Variants in PTPRT observed in about 807,000 individuals in gnomAD.
PTPRT encodes the protein protein tyrosine phosphatase receptor type T, also known as receptor-type tyrosine-protein phosphatase T.
In PTPRT, 56 loss-of-function variants were observed where a neutral mutation model predicts 176.8. The observed-to-expected ratio is 0.32, with a 90% CI of 0.26 to 0.40. PTPRT has a LOEUF of 0.40. PTPRT is among the 10% of genes least tolerant of loss of function. The pLI, the probability that PTPRT is intolerant of heterozygous loss-of-function variation, is 1.00. For synonymous variants in PTPRT, 783 were observed against 739.0 expected (o/e 1.06, Z -0.96); for missense variants, 1,540 against 1,908.2 (o/e 0.81, Z 3.60).
intron 1 of PTPRT, among the ~76,000 whole-genome samples, chr20:43,061,222 C>T (rs533402526): frequency 3.3e-5 from 5 of 152,220 alleles, no homozygotes; most frequent in African/African-American, 9.6e-5. Flanking sequence ...AACTCCTTTC[C>T]GTCACTACTC....
intron 7 of PTPRT, 101 bp from the exon 8 acceptor site, chr20:42,472,663 T>A: frequency 8.5e-7 from 1 of 1,182,922 alleles, no homozygotes; most frequent in Non-Finnish European, 1.2e-6. Context: ...TCCAAACATA[T>A]CTCCACCATT....
intron 1 of PTPRT, among the ~76,000 whole-genome samples, chr20:42,979,828 C>G (rs1303682524): frequency 6.6e-6 from 1 of 151,880 alleles, no homozygotes; most frequent in South Asian, 2.1e-4. Context: ...AGGTTTTGTC[C>G]CAAAATCTCA....
chr20:43,049,333 A>T (rs1013958927), intron 1 of PTPRT, among the ~76,000 whole-genome samples: 7 of 144,212 alleles, frequency 4.9e-5, no homozygotes, highest in Non-Finnish European at 7.4e-5. Context: ...TAAAACATAC[A>T]TACATACATA....
intron 1 of PTPRT, among the ~76,000 whole-genome samples, chr20:43,087,608 C>G: frequency 6.6e-6 from 1 of 152,082 alleles, no homozygotes; most frequent in East Asian, 1.9e-4. Flanking sequence ...AAGTGATCTG[C>G]CTGCCTCGGC....
At chr20:42,210,107 C>T (rs2055583786) in intron 15 of PTPRT, among the ~76,000 whole-genome samples, 1 of 152,190 alleles carries the variant, frequency 6.6e-6, no homozygotes, top group Non-Finnish European at 1.5e-5. Flanking sequence ...ACCCTTCATG[C>T]TAAAAACTCT....
At chr20:42,702,965 C>A (rs960409989) in intron 6 of PTPRT, among the ~76,000 whole-genome samples, 1 of 152,174 alleles carries the variant, frequency 6.6e-6, no homozygotes. Flanking sequence ...CATAGCCAGC[C>A]CATATGGTTT....
chr20:42,367,555 A>C (rs80129688), intron 9 of PTPRT, among the ~76,000 whole-genome samples: 1 of 152,178 alleles, frequency 6.6e-6, no homozygotes, highest in Non-Finnish European at 1.5e-5. Context: ...TAAATATGCC[A>C]TTTATTTGGT....
intron 2 of PTPRT, among the ~76,000 whole-genome samples, chr20:42,842,772 G>A (rs944700739): frequency 6.6e-6 from 1 of 152,166 alleles, no homozygotes. Context: ...TCAAGGTGGT[G>A]GCAGGTTCCA....
intron 6 of PTPRT, among the ~76,000 whole-genome samples, chr20:42,706,947 G>A (rs1389626436): frequency 1.3e-5 from 2 of 152,298 alleles, no homozygotes; most frequent in South Asian, 2.1e-4. Context: ...AGGAGAAGAT[G>A]CACAGACAGG....
intron 1 of PTPRT, among the ~76,000 whole-genome samples, chr20:43,030,681 G>T (rs748820468): frequency 6.6e-6 from 1 of 152,178 alleles, no homozygotes; most frequent in Non-Finnish European, 1.5e-5. Context: ...AGCCTTGGGG[G>T]TTATGGAGGA....
chr20:42,163,370 G>A (rs1028853153), intron 16 of PTPRT, among the ~76,000 whole-genome samples: 7 of 152,164 alleles, frequency 4.6e-5, no homozygotes, highest in African/African-American at 1.7e-4. Context: ...GAAGGGCCTA[G>A]GCAAGTCGTT....
Position 42,558,506 on chromosome 20 carries a change from T to C in PTPRT, c.1154-85944A>G, listed in dbSNP as rs981741039. ...ATCGTAATGGGGCTGCTGGGTCTAA[T>C]GGTATTTCTGTTTTTAGGTCTTTGA... On this transcript the variant is annotated intron_variant, in intron 7 of 30. Coordinates refer to ENST00000373187, the MANE Select transcript of PTPRT (RefSeq NM_007050.6). Among the ~76,000 whole-genome samples the C allele has an allele frequency of 2.0e-5, 3 of 152,134 alleles. No individual in the cohort carries two copies. The South Asian group carries it at 6.2e-4, about 32-fold the overall frequency.
chr20:43,031,785 C>T (rs1045177998), intron 1 of PTPRT, among the ~76,000 whole-genome samples: 1 of 152,216 alleles, frequency 6.6e-6, no homozygotes, highest in African/African-American at 2.4e-5. Flanking sequence ...ATATAAGGGA[C>T]TGTCTCTGAA....
chr20:42,865,107 C>G (rs141300891), intron 2 of PTPRT, among the ~76,000 whole-genome samples: 2 of 152,226 alleles, frequency 1.3e-5, no homozygotes, highest in Non-Finnish European at 2.9e-5. Context: ...ATTGTGAAGT[C>G]TTTTCATGTG....
chr20:42,068,733 A>G (rs1025521366), downstream of PTPRT, among the ~76,000 whole-genome samples: 20 of 152,198 alleles, frequency 1.3e-4, no homozygotes, highest in Admixed American at 1.3e-3. Flanking sequence ...AATCAGAGGA[A>G]ATTCCTCCCG....
At chr20:42,104,253 G>C (rs1217263068) in intron 25 of PTPRT, among the ~76,000 whole-genome samples, 1 of 152,166 alleles carries the variant, frequency 6.6e-6, no homozygotes, top group Non-Finnish European at 1.5e-5. Flanking sequence ...AGGATTCCTT[G>C]AGCCCAGGAG....
intron 7 of PTPRT, among the ~76,000 whole-genome samples, chr20:42,524,561 T>G (rs2072235491): frequency 6.6e-6 from 1 of 152,204 alleles, no homozygotes; most frequent in Non-Finnish European, 1.5e-5. Flanking sequence ...TGAAGACCTT[T>G]CTGTTGCTAT....
chr20:42,660,124 C>A (rs974859063), intron 7 of PTPRT, among the ~76,000 whole-genome samples: 2 of 152,178 alleles, frequency 1.3e-5, no homozygotes, highest in African/African-American at 4.8e-5. Flanking sequence ...GAAGATTGTA[C>A]TGTAAAGGCT....
Position 43,168,268 on chromosome 20 carries a change from C to T in PTPRT, c.88+21378G>A, listed in dbSNP as rs145355091. Among the ~76,000 whole-genome samples the T allele has an allele frequency of 3.5e-3, 532 of 152,308 alleles. 2 individuals carry two copies. Among genetic ancestry groups the T allele is most frequent in the African/African-American group, 0.012 (497 of 41,574 alleles). Reference sequence around the variant, plus strand: ...GGACATCATCAATTGCCACATCTTCCCCTTTGATGCAAATGACAAAGAGGA... The same window carrying T: ...GGACATCATCAATTGCCACATCTTCTCCTTTGATGCAAATGACAAAGAGGA... On this transcript the variant is annotated intron_variant, in intron 1 of 30. Coordinates refer to ENST00000373187, the MANE Select transcript of PTPRT (RefSeq NM_007050.6).
Sources: gnomAD v4.1 joint callset for allele counts (sites outside exome capture counted in the v4.1 genomes callset) on GRCh38, gnomAD v4.1.1 for gene constraint, MANE v1.5 for transcripts, NCBI Gene and HGNC (gene_info 2026-07-23, HGNC 2026-07-21) for gene names.